The following AGTPBP1 variants were observed in gnomAD, a reference collection of about 807,000 sequenced individuals.
AGTPBP1 encodes cytosolic carboxypeptidase 1.
AGTPBP1 carries 70 observed loss-of-function variants against 143.9 expected under a neutral mutation model. The observed-to-expected ratio is 0.49, with a 90% confidence interval of 0.40 to 0.59. The LOEUF is 0.59. Ranked by LOEUF, AGTPBP1 falls within the 20% of genes least tolerant of loss-of-function variation. The pLI is 0.00. For missense variants in AGTPBP1, 1,229 were observed against 1,464.5 expected (o/e 0.84, Z 2.62); for synonymous variants, 463 against 500.2 (o/e 0.93, Z 0.99).
the AGTPBP1 span, among the ~76,000 whole-genome samples, chr9:85,790,006 A>G: frequency 1.3e-5 from 2 of 152,224 alleles, no homozygotes; most frequent in African/African-American, 2.4e-5. Context: ...AAGTTCAGGT[A>G]GAAAGTTACT....
chr9:85,754,269 G>A, the AGTPBP1 span, among the ~76,000 whole-genome samples: 1 of 152,062 alleles, frequency 6.6e-6, no homozygotes, highest in South Asian at 2.1e-4. Flanking sequence ...TCAGCTCACT[G>A]CAAGCTCCGC....
chr9:85,739,102 A>T (rs1268570664), intron 1 of AGTPBP1, among the ~76,000 whole-genome samples: 1 of 152,212 alleles, frequency 6.6e-6, no homozygotes, highest in Non-Finnish European at 1.5e-5. Context: ...AAATAAAAAT[A>T]ACTTGCCTAA....
intron 25 of AGTPBP1, among the ~76,000 whole-genome samples, chr9:85,557,843 C>T (rs1395746355): frequency 1.3e-5 from 2 of 152,100 alleles, no homozygotes; most frequent in African/African-American, 4.8e-5. Context: ...TGTTTGCTAA[C>T]GGTCTATAGC....
chr9:85,738,883 C>T (rs1161108137), intron 1 of AGTPBP1, among the ~76,000 whole-genome samples: 1 of 151,918 alleles, frequency 6.6e-6, no homozygotes, highest in East Asian at 1.9e-4. Context: ...CTTACTAGAT[C>T]CCTTTGAAGA....
intron 25 of AGTPBP1, among the ~76,000 whole-genome samples, chr9:85,557,158 A>T (rs894048430): frequency 3.3e-5 from 5 of 152,236 alleles, no homozygotes; most frequent in Admixed American, 2.0e-4. Context: ...ATATACAATC[A>T]TCAAATTCCT....
At chr9:85,552,148 T>C (rs1475708393) in intron 25 of AGTPBP1, among the ~76,000 whole-genome samples, 1 of 152,232 alleles carries the variant, frequency 6.6e-6, no homozygotes. Flanking sequence ...AATCCTGTCA[T>C]GCTGCTTCAA....
chr9:85,576,606 C>A (rs942077963), intron 24 of AGTPBP1, among the ~76,000 whole-genome samples: 1 of 152,076 alleles, frequency 6.6e-6, no homozygotes, highest in Non-Finnish European at 1.5e-5. Flanking sequence ...AGAATACTGA[C>A]AGCCTAAAAC....
intron 1 of AGTPBP1, among the ~76,000 whole-genome samples, chr9:85,728,030 T>TATATATAC (rs71505763): frequency 7.8e-6 from 1 of 128,328 alleles, no homozygotes; most frequent in African/African-American, 2.9e-5. Flanking sequence ...TATATTTATA[T>TATATATAC]ACACACACAC....
chr9:85,601,469 G>A (rs1587715258), intron 17 of AGTPBP1, among the ~76,000 whole-genome samples: 1 of 152,136 alleles, frequency 6.6e-6, no homozygotes, highest in African/African-American at 2.4e-5. Context: ...TCCTCCCAGG[G>A]GTCTGCGGAT....
intron 17 of AGTPBP1, among the ~76,000 whole-genome samples, chr9:85,609,450 T>A (rs1258138008): frequency 6.6e-6 from 1 of 152,020 alleles, no homozygotes; most frequent in Non-Finnish European, 1.5e-5. Context: ...GCCAGGCTCA[T>A]TTTTGTATTT....
the AGTPBP1 span, among the ~76,000 whole-genome samples, chr9:85,782,042 T>G: frequency 6.6e-6 from 1 of 152,216 alleles, no homozygotes; most frequent in Non-Finnish European, 1.5e-5. Flanking sequence ...TTTCTAATAA[T>G]TCTAATAACT....
intron 1 of AGTPBP1, among the ~76,000 whole-genome samples, chr9:85,731,296 G>T (rs1838862334): frequency 6.6e-6 from 1 of 152,098 alleles, no homozygotes; most frequent in African/African-American, 2.4e-5. Flanking sequence ...CAATAGAATG[G>T]CTAAACTTTA....
chr9:85,712,616 T>C (rs1196817476), intron 1 of AGTPBP1, 50 bp from the exon 2 acceptor site: 40 of 889,516 alleles, frequency 4.5e-5, no homozygotes, highest in Non-Finnish European at 6.2e-5. Context: ...CTTTTTTCTA[T>C]ATATTAGATA....
upstream of AGTPBP1, among the ~76,000 whole-genome samples, chr9:85,746,115 C>T (rs1337110553): frequency 6.6e-6 from 1 of 152,086 alleles, no homozygotes; most frequent in African/African-American, 2.4e-5. Flanking sequence ...CCTTCCTTTT[C>T]CCCCTGCCCC....
rs572886141 is a variant in AGTPBP1 at position 85,580,406 on chromosome 9, T to G, written c.3166-1310A>C. On this transcript the variant is annotated intron_variant, in intron 23 of 25. Transcript: ENST00000357081. ...TTTTTTCATTCTAAAGTTTTTTTTTTGTTTGTTTTTGAGATGGAGTCTCGC... is the reference window on the plus strand; with the variant it reads ...TTTTTTCATTCTAAAGTTTTTTTTTGGTTTGTTTTTGAGATGGAGTCTCGC... 2.4e-4 allele frequency among the ~76,000 whole-genome samples: 36 copies of G among 152,114 alleles called. No homozygotes were observed. In the South Asian group the frequency reaches 6.6e-3, roughly 28 times the overall value.
At chr9:85,705,356 C>T (rs1341075799) in intron 2 of AGTPBP1, among the ~76,000 whole-genome samples, 1 of 147,116 alleles carries the variant, frequency 6.8e-6, no homozygotes, top group Non-Finnish European at 1.5e-5. Context: ...ATAAGTATGA[C>T]AACAGAATTA....
the AGTPBP1 span, among the ~76,000 whole-genome samples, chr9:85,803,594 T>C: frequency 6.6e-6 from 1 of 152,192 alleles, no homozygotes; most frequent in African/African-American, 2.4e-5. Flanking sequence ...CTGACCACGT[T>C]TTGAGCAGCG....
chr9:85,638,100 C>A (rs1832196256), intron 13 of AGTPBP1, among the ~76,000 whole-genome samples: 1 of 147,936 alleles, frequency 6.8e-6, no homozygotes, highest in Non-Finnish European at 1.5e-5. Flanking sequence ...GACGTTACTG[C>A]TTTGCTTTTT....
chr9:85,657,498 G>T lies in AGTPBP1; in HGVS notation c.846C>A (p.Ile282=), dbSNP rs1833598278. ...CAATAAATGCTTTTCTTCCCAACTT[G>T]ATGTTTGTAACACTTTTTAAACTCT... ...ILQSLKSVTN[I]KLGRKAFIDA... The change falls in exon 10 of 26, where the codon ATC becomes ATA. Residue 282 remains isoleucine (I), a synonymous_variant. Transcript: ENST00000357081. 6.2e-7 allele frequency: 1 copy of T among 1,613,636 alleles called. No homozygotes were observed. The highest frequency in any genetic ancestry group is 1.7e-5 in the Admixed American group (1 of 59,966).
Sources: gnomAD v4.1 joint callset for allele counts (sites outside exome capture counted in the v4.1 genomes callset) on GRCh38, gnomAD v4.1.1 for gene constraint, MANE v1.5 for transcripts, NCBI Gene and HGNC (gene_info 2026-07-23, HGNC 2026-07-21) for gene names.